Variants in NCAM2 observed in about 807,000 individuals in gnomAD.
The protein encoded by NCAM2 is neural cell adhesion molecule 2.
A neutral mutation model predicts 98.1 loss-of-function variants in NCAM2; 30 were observed. The observed-to-expected ratio is 0.31, with a 90% CI of 0.23 to 0.41. NCAM2 has a LOEUF of 0.41. Ranked by LOEUF, NCAM2 falls within the 10% of genes least tolerant of loss-of-function variation. The probability of loss-of-function intolerance (pLI) is 1.00; values close to 1 mark genes in which losing one functional copy is unlikely to be tolerated. For synonymous variants in NCAM2, 368 were observed against 342.4 expected, an observed-to-expected ratio of 1.07 and a Z score of -0.83; for missense variants, 867 against 1,005.8, an observed-to-expected ratio of 0.86 and a Z score of 1.87.
chr21:21,358,278 G>T (rs1446312218), intron 8 of NCAM2, among the ~76,000 whole-genome samples: 1 of 152,006 alleles, frequency 6.6e-6, no homozygotes, highest in Non-Finnish European at 1.5e-5. Context: ...CACATAAGGA[G>T]CTGTATACAA....
In NCAM2 at chr21:21,215,890, T is replaced by A. The variant is rs555923026; in HGVS notation, c.56-64688T>A. Among the ~76,000 whole-genome samples, 11 of 152,216 alleles carry A rather than the reference T, an allele frequency of 7.2e-5. No individual in the cohort carries two copies. In the East Asian group the frequency reaches 2.1e-3, roughly 29 times the overall value. On this transcript the variant is annotated intron_variant, in intron 1 of 17. Coordinates refer to ENST00000400546, the MANE Select transcript of NCAM2 (RefSeq NM_004540.5). The stretch of plus-strand genomic sequence containing the variant: ...AGCTCCTTTTCCTGCCTTTTTCCAC[T>A]TGGATGGGAAAATATATAAATAGTA...
intron 1 of NCAM2, among the ~76,000 whole-genome samples, chr21:21,156,755 A>G (rs2067625841): frequency 6.6e-6 from 1 of 152,084 alleles, no homozygotes; most frequent in Non-Finnish European, 1.5e-5. Flanking sequence ...AACCAGAATC[A>G]TAATTATGTA....
intron 1 of NCAM2, among the ~76,000 whole-genome samples, chr21:21,234,053 C>T (rs2070728522): frequency 6.6e-6 from 1 of 151,650 alleles, no homozygotes; most frequent in African/African-American, 2.4e-5. Context: ...TCATATACTC[C>T]AGTGACAAAG....
At chr21:21,314,360 T>A (rs2074152940) in intron 5 of NCAM2, among the ~76,000 whole-genome samples, 1 of 152,188 alleles carries the variant, frequency 6.6e-6, no homozygotes, top group Non-Finnish European at 1.5e-5. Context: ...GGTCAAAAAA[T>A]TCAGTCATGT....
intron 8 of NCAM2, among the ~76,000 whole-genome samples, chr21:21,353,003 G>A (rs1687037625): frequency 6.6e-6 from 1 of 151,802 alleles, no homozygotes; most frequent in African/African-American, 2.4e-5. Context: ...ACAGGTGCCC[G>A]CCACCATGCC....
At chr21:21,458,775 C>T (rs186420355) in intron 12 of NCAM2, among the ~76,000 whole-genome samples, 13 of 152,160 alleles carry the variant, frequency 8.5e-5, no homozygotes, top group Non-Finnish European at 2.9e-5. Context: ...GGCTTCTTGG[C>T]GTTGGTCTGC....
chr21:21,187,871 A>C (rs1165937749), intron 1 of NCAM2, among the ~76,000 whole-genome samples: 2 of 152,176 alleles, frequency 1.3e-5, no homozygotes, highest in African/African-American at 4.8e-5. Flanking sequence ...TCAGCTAAAT[A>C]GTGTGTCTGA....
At chr21:21,182,054 A>G (rs1223429509) in intron 1 of NCAM2, among the ~76,000 whole-genome samples, 2 of 151,902 alleles carry the variant, frequency 1.3e-5, no homozygotes, top group African/African-American at 4.8e-5. Context: ...ACAAATAAAA[A>G]TATTGCTCAT....
At chr21:21,421,168 A>G (rs1367211985) in intron 11 of NCAM2, among the ~76,000 whole-genome samples, 1 of 151,966 alleles carries the variant, frequency 6.6e-6, no homozygotes, top group Non-Finnish European at 1.5e-5. Flanking sequence ...TATTTAAAAC[A>G]TTATGTTGAT....
At chr21:21,143,028 T>C (rs562641971) in intron 1 of NCAM2, among the ~76,000 whole-genome samples, 57 of 152,324 alleles carry the variant, frequency 3.7e-4, no homozygotes, top group Admixed American at 8.5e-4. Flanking sequence ...TTTGCCGTTG[T>C]CCATTTTTGT....
rs539234243 is a variant in NCAM2 at position 21,390,804 on chromosome 21, A to G, written c.1195+16791A>G. 4.8e-4 allele frequency among the ~76,000 whole-genome samples: 73 copies of G among 152,346 alleles called. No homozygotes were observed. In the South Asian group the frequency reaches 0.012, roughly 26 times the overall value. ...CACAGGGAAATATTACATTCTAGGT[A>G]TAATGTAAAATTGTGCTTTTTTATG... is the stretch of plus-strand genomic sequence containing the variant. On this transcript the variant is annotated intron_variant, in intron 9 of 17. Transcript: ENST00000400546.
chr21:21,294,025 A>G (rs944613392), intron 5 of NCAM2, among the ~76,000 whole-genome samples: 1 of 151,642 alleles, frequency 6.6e-6, no homozygotes, highest in Non-Finnish European at 1.5e-5. Flanking sequence ...TCCAGCAGGC[A>G]TAGTAACCCT....
intron 5 of NCAM2, among the ~76,000 whole-genome samples, chr21:21,303,970 T>A (rs1287692217): frequency 6.6e-6 from 1 of 152,148 alleles, no homozygotes; most frequent in Non-Finnish European, 1.5e-5. Flanking sequence ...GCTGTTTTCT[T>A]ATTATTGAGT....
chr21:21,050,346 T>C (rs949309550), intron 1 of NCAM2, among the ~76,000 whole-genome samples: 1 of 152,214 alleles, frequency 6.6e-6, no homozygotes, highest in Non-Finnish European at 1.5e-5. Flanking sequence ...TCAGGGATTA[T>C]GTACCATTCA....
chr21:21,441,277 C>A (rs1979227757), intron 12 of NCAM2, among the ~76,000 whole-genome samples: 1 of 152,170 alleles, frequency 6.6e-6, no homozygotes, highest in African/African-American at 2.4e-5. Context: ...TTTTAAGTGA[C>A]ATCCTAGTGA....
intron 13 of NCAM2, among the ~76,000 whole-genome samples, chr21:21,468,418 C>T (rs568942711): frequency 6.6e-6 from 1 of 151,882 alleles, no homozygotes; most frequent in Non-Finnish European, 1.5e-5. Flanking sequence ...ATTTGCATAT[C>T]AGTGAAAATA....
chr21:21,112,929 T>A (rs2066483661), intron 1 of NCAM2, among the ~76,000 whole-genome samples: 1 of 152,176 alleles, frequency 6.6e-6, no homozygotes, highest in Non-Finnish European at 1.5e-5. Context: ...GTTCTTTTGC[T>A]CTCCTGCACG....
At chr21:21,002,955 A>C (rs974017423) in intron 1 of NCAM2, among the ~76,000 whole-genome samples, 5 of 152,142 alleles carry the variant, frequency 3.3e-5, no homozygotes, top group African/African-American at 1.2e-4. Flanking sequence ...TTTAAGATGC[A>C]ACCAGTGCTT....
chr21:21,249,635 T>C (rs529308672), intron 1 of NCAM2, among the ~76,000 whole-genome samples: 1 of 152,326 alleles, frequency 6.6e-6, no homozygotes, highest in Admixed American at 6.5e-5. Context: ...TCTTAGAATC[T>C]AGTACTTTCT....
Sources: allele counts gnomAD v4.1 joint callset (sites outside exome capture counted in the v4.1 genomes callset), GRCh38; gene constraint gnomAD v4.1.1; transcripts MANE v1.5; gene names NCBI Gene and HGNC (gene_info 2026-07-23, HGNC 2026-07-21).